HDAC9: variants seen among roughly 807,000 people sequenced by gnomAD.
HDAC9 encodes the protein histone deacetylase 9, also known as MEF-2 interacting transcription repressor (MITR) protein.
Under a neutral mutation model 139.4 loss-of-function variants are expected in HDAC9, and 41 were observed. The ratio of observed to expected loss-of-function variants is 0.29; its 90% CI spans 0.23 to 0.38. HDAC9 has a LOEUF of 0.38. HDAC9 is among the 10% of genes least tolerant of loss of function. HDAC9 has a pLI of 1.00. For missense variants in HDAC9, 1,147 were observed against 1,297.0 expected (o/e 0.88, Z 1.78); for synonymous variants, 517 against 476.2 (o/e 1.09, Z -1.12).
intron 14 of HDAC9, among the ~76,000 whole-genome samples, chr7:18,751,762 A>G (rs542844540): frequency 2.0e-5 from 3 of 152,160 alleles, no homozygotes; most frequent in Admixed American, 1.3e-4. Context: ...TTGTGTAGAG[A>G]CCTTTTGTTC....
intron 2 of HDAC9, among the ~76,000 whole-genome samples, chr7:18,548,501 AATGAG>A (rs1432845074): frequency 6.6e-6 from 1 of 152,226 alleles, no homozygotes; most frequent in Non-Finnish European, 1.5e-5. Context: ...AGCAAAATAA[AATGAG>A]ATATGTCTGT....
At chr7:18,464,144 TTAAC>T (rs1365225924) in intron 1 of HDAC9, among the ~76,000 whole-genome samples, 1 of 152,002 alleles carries the variant, frequency 6.6e-6, no homozygotes, top group Non-Finnish European at 1.5e-5. Context: ...TGGTGCTAAT[TTAAC>T]TACACTGGTT....
At chr7:18,833,124 T>G (rs1385948462) in intron 19 of HDAC9, among the ~76,000 whole-genome samples, 2 of 152,206 alleles carry the variant, frequency 1.3e-5, no homozygotes, top group Admixed American at 1.3e-4. Context: ...CACTAAATAT[T>G]TGGTGAATAT....
intron 13 of HDAC9, among the ~76,000 whole-genome samples, chr7:18,737,082 C>A (rs988958031): frequency 3.9e-5 from 6 of 152,052 alleles, no homozygotes; most frequent in African/African-American, 1.5e-4. Flanking sequence ...GTGGTGATAT[C>A]CCCTTTTTCA....
chr7:18,325,003 G>A (rs1800324677), intron 1 of HDAC9, among the ~76,000 whole-genome samples: 2 of 152,040 alleles, frequency 1.3e-5, no homozygotes, highest in African/African-American at 4.8e-5. Flanking sequence ...TTCAATTGCT[G>A]TAAACCATAG....
At chr7:18,225,492 T>C (rs1470371517) in intron 2 of HDAC9, among the ~76,000 whole-genome samples, 2 of 152,206 alleles carry the variant, frequency 1.3e-5, no homozygotes, top group Non-Finnish European at 2.9e-5. Flanking sequence ...TCCTTCATTA[T>C]GTTTTATGCA....
chr7:18,767,343 T>G (rs140788281), intron 16 of HDAC9, among the ~76,000 whole-genome samples, 188 bp downstream of exon 16: 1 of 152,290 alleles, frequency 6.6e-6, no homozygotes, highest in Non-Finnish European at 1.5e-5. Context: ...AATAAATTCT[T>G]AAGAATTTCA....
chr7:18,931,583 T>C (rs1241704659), intron 22 of HDAC9, among the ~76,000 whole-genome samples: 1 of 152,208 alleles, frequency 6.6e-6, no homozygotes, highest in East Asian at 1.9e-4. Flanking sequence ...ATCCTGTTCA[T>C]GGTGAACATC....
At chr7:18,970,874 G>T (rs190213173) in intron 24 of HDAC9, among the ~76,000 whole-genome samples, 3 of 152,254 alleles carry the variant, frequency 2.0e-5, no homozygotes, top group Non-Finnish European at 4.4e-5. Context: ...TGGAATGAGG[G>T]ATTTCTGGGG....
chr7:18,159,863 A>G (rs926635935), intron 1 of HDAC9, among the ~76,000 whole-genome samples: 2 of 152,232 alleles, frequency 1.3e-5, no homozygotes, highest in African/African-American at 2.4e-5. Flanking sequence ...GTTATTAAAA[A>G]GACTGAAGGC....
intron 2 of HDAC9, among the ~76,000 whole-genome samples, chr7:18,215,696 G>A (rs1202689981): frequency 6.6e-6 from 1 of 152,066 alleles, no homozygotes; most frequent in African/African-American, 2.4e-5. Flanking sequence ...GCTTTTGAAG[G>A]TTAGTGACTC....
intron 2 of HDAC9, among the ~76,000 whole-genome samples, chr7:18,553,918 A>G (rs553193236): frequency 6.6e-6 from 1 of 152,314 alleles, no homozygotes; most frequent in South Asian, 2.1e-4. Context: ...AGGGACTTAC[A>G]GTCTGGCTCA....
At chr7:18,277,283 A>G (rs1170485137) in intron 2 of HDAC9, among the ~76,000 whole-genome samples, 1 of 152,200 alleles carries the variant, frequency 6.6e-6, no homozygotes, top group Non-Finnish European at 1.5e-5. Context: ...GCTTGGATGG[A>G]GGACACTGGC....
intron 17 of HDAC9, among the ~76,000 whole-genome samples, chr7:18,820,313 T>G (rs1794868099): frequency 6.6e-6 from 1 of 152,198 alleles, no homozygotes; most frequent in Non-Finnish European, 1.5e-5. Flanking sequence ...AGGAGAAACT[T>G]GGTTCTAGTA....
intron 16 of HDAC9, among the ~76,000 whole-genome samples, chr7:18,788,849 C>G (rs997780635): frequency 6.6e-6 from 1 of 151,810 alleles, no homozygotes; most frequent in Non-Finnish European, 1.5e-5. Flanking sequence ...CTCGTTTGCT[C>G]ACATGTCGCT....
At chr7:18,162,184 T>A in intron 1 of HDAC9, 1 of 691,868 alleles carries the variant, frequency 1.4e-6, no homozygotes, top group Non-Finnish European at 2.4e-6. Context: ...CAGTGTGACT[T>A]GATATAGCTT....
chr7:18,774,805 T>C (rs1790616570), intron 16 of HDAC9, among the ~76,000 whole-genome samples: 1 of 152,062 alleles, frequency 6.6e-6, no homozygotes, highest in African/African-American at 2.4e-5. Context: ...GCAGTTTCAG[T>C]TTCCTTTAAA....
chr7:18,551,624 A>G (rs1817173613), intron 2 of HDAC9, among the ~76,000 whole-genome samples: 2 of 152,212 alleles, frequency 1.3e-5, no homozygotes, highest in African/African-American at 4.8e-5. Flanking sequence ...AATGTGTATG[A>G]TGTGATTCAA....
intron 1 of HDAC9, among the ~76,000 whole-genome samples, chr7:18,296,361 A>G (rs1365761812): frequency 6.6e-5 from 10 of 151,904 alleles, no homozygotes; most frequent in South Asian, 2.1e-4. Flanking sequence ...GTAAAGATCT[A>G]CGTCTTTAAA....
Sources: gnomAD v4.1 joint callset for allele counts (sites outside exome capture counted in the v4.1 genomes callset) on GRCh38, gnomAD v4.1.1 for gene constraint, MANE v1.5 for transcripts, NCBI Gene and HGNC (gene_info 2026-07-23, HGNC 2026-07-21) for gene names.